COG6: variants seen among roughly 807,000 people sequenced by gnomAD.
COG6 encodes component of oligomeric golgi complex 6, also known as conserved oligomeric Golgi complex subunit 6.
Under a neutral mutation model 88.8 loss-of-function variants are expected in COG6, and 74 were observed. That is an observed-to-expected ratio of 0.83 (90% CI 0.69 to 1.01). The LOEUF is 1.01. Among genes scored for constraint, COG6 ranks in the 50% least tolerant of loss-of-function variants. The probability of loss-of-function intolerance (pLI) is 0.00; values close to 1 mark genes in which losing one functional copy is unlikely to be tolerated. For missense variants in COG6, 800 were observed against 797.9 expected (o/e 1.00, Z -0.03); for synonymous variants, 286 against 278.7 (o/e 1.03, Z -0.26).
chr13:39,691,135 C>T (rs1876956347), intron 11 of COG6, among the ~76,000 whole-genome samples: 1 of 151,520 alleles, frequency 6.6e-6, no homozygotes, highest in Non-Finnish European at 1.5e-5. Flanking sequence ...TAGGTGTATG[C>T]TTTTCCTTTT....
In COG6 at chr13:39,655,768, C is replaced by T. The variant is rs1238296230; in HGVS notation, c.42C>T (p.Thr14=). The T allele has an allele frequency of 9.4e-6, 15 of 1,593,306 alleles. No individual in the cohort carries two copies. Among genetic ancestry groups the T allele is most frequent in the Admixed American group, 1.7e-5 (1 of 58,148 alleles). ...GSGEVVAVSA[T]GAANGLNNGA... is the part of the protein sequence containing the mutation. The stretch of plus-strand genomic sequence containing the variant: ...GGGAAGTGGTCGCAGTGTCTGCGAC[C>T]GGGGCTGCCAACGGCCTCAACAATG... The change falls in exon 1 of 19, where the codon ACC becomes ACT. Residue 14 remains threonine (T), a synonymous_variant. Transcript: ENST00000455146.
chr13:39,708,161 C>T (rs1878043171), intron 13 of COG6, among the ~76,000 whole-genome samples: 1 of 152,104 alleles, frequency 6.6e-6, no homozygotes, highest in Non-Finnish European at 1.5e-5. Context: ...TGTTTATTGG[C>T]TGCTGGATGT....
chr13:39,715,221 T>A (rs1265880378), intron 13 of COG6, among the ~76,000 whole-genome samples: 1 of 151,706 alleles, frequency 6.6e-6, no homozygotes, highest in African/African-American at 2.4e-5. Flanking sequence ...AAAAAATTTT[T>A]AAAGATTTAT....
chr13:39,701,332 G>C (rs1449434578), intron 13 of COG6, among the ~76,000 whole-genome samples: 1 of 151,866 alleles, frequency 6.6e-6, no homozygotes, highest in Non-Finnish European at 1.5e-5. Context: ...GTGCCTATGA[G>C]AGATCCCTCT....
intron 18 of COG6, among the ~76,000 whole-genome samples, chr13:39,749,930 A>G (rs971302062): frequency 6.6e-6 from 1 of 152,158 alleles, no homozygotes; most frequent in Non-Finnish European, 1.5e-5. Context: ...TGATCTAACA[A>G]CAGTGCCTAG....
Position 39,764,505 on chromosome 13 carries a change from G to A in COG6, c.1827-23830G>A, listed in dbSNP as rs1028979921. ...ATGTATTCATTTAAATATATTTAAT[G>A]TGTTCATCTGTGTTTCCATCTAAGC... is the stretch of plus-strand genomic sequence containing the variant. On this transcript the variant is annotated intron_variant, in intron 18 of 18. Transcript: ENST00000416691. 4.6e-5 allele frequency among the ~76,000 whole-genome samples: 7 copies of A among 151,278 alleles called. No homozygotes were observed. The South Asian group carries it at 1.5e-3, about 31-fold the overall frequency.
intron 13 of COG6, among the ~76,000 whole-genome samples, chr13:39,704,745 A>G (rs537612873): frequency 5.9e-5 from 9 of 152,330 alleles, no homozygotes; most frequent in Non-Finnish European, 1.2e-4. Context: ...AAAGAAAGTA[A>G]TTGTAATCTG....
intron 5 of COG6, among the ~76,000 whole-genome samples, chr13:39,678,918 G>A (rs1048326030): frequency 5.1e-4 from 44 of 85,604 alleles, no homozygotes; most frequent in Non-Finnish European, 9.4e-4. Context: ...AGAAAATGAG[G>A]GTTATTATTA....
At chr13:39,734,965 A>G (rs780987161) in intron 18 of COG6, among the ~76,000 whole-genome samples, 2 of 150,888 alleles carry the variant, frequency 1.3e-5, no homozygotes, top group Admixed American at 6.6e-5. Flanking sequence ...ATCTTTTTCT[A>G]TCTCTCTTTT....
chr13:39,757,528 T>G (rs1463803992), downstream of COG6, among the ~76,000 whole-genome samples: 3 of 151,826 alleles, frequency 2.0e-5, no homozygotes, highest in African/African-American at 7.3e-5. Context: ...GTTAATTCTC[T>G]GAAAGGATAG....
At chr13:39,704,175 A>G (rs1324676679) in intron 13 of COG6, among the ~76,000 whole-genome samples, 1 of 152,132 alleles carries the variant, frequency 6.6e-6, no homozygotes, top group African/African-American at 2.4e-5. Context: ...GTTTCTATAT[A>G]TTTTATTAGT....
intron 4 of COG6, among the ~76,000 whole-genome samples, chr13:39,670,022 TTCTA>T (rs1875522921): frequency 6.6e-6 from 1 of 152,172 alleles, no homozygotes; most frequent in Admixed American, 6.5e-5. Flanking sequence ...AGAAATCTGT[TTCTA>T]TATGGGATTA....
chr13:39,750,221 A>G (rs540220381), intron 18 of COG6, among the ~76,000 whole-genome samples: 1 of 152,316 alleles, frequency 6.6e-6, no homozygotes, highest in South Asian at 2.1e-4. Flanking sequence ...CCATCTTCTC[A>G]TGGTGATACA....
At chr13:39,763,938 G>A (rs938452295) in intron 18 of COG6, among the ~76,000 whole-genome samples, 10 of 151,896 alleles carry the variant, frequency 6.6e-5, no homozygotes, top group Admixed American at 2.6e-4. Context: ...AAACAAATTG[G>A]TACATATTCT....
At chr13:39,782,113 GA>G (rs1405948534) in intron 18 of COG6, among the ~76,000 whole-genome samples, 1 of 152,142 alleles carries the variant, frequency 6.6e-6, no homozygotes, top group East Asian at 1.9e-4. Flanking sequence ...GGGTAAAGGG[GA>G]AAACATTACC....
intron 18 of COG6, among the ~76,000 whole-genome samples, chr13:39,764,349 GT>G: frequency 6.7e-6 from 1 of 148,942 alleles, no homozygotes; most frequent in East Asian, 2.0e-4. Flanking sequence ...TTGTATATTT[GT>G]TTTCTATTTC....
Position 39,752,399 on chromosome 13 carries a change from A to G in COG6, c.*1306A>G. 1 of 1,013,446 alleles carries G rather than the reference A, an allele frequency of 9.9e-7. No homozygotes were observed. Among genetic ancestry groups the G allele is most frequent in the Non-Finnish European group, 1.3e-6 (1 of 759,352 alleles). The allele number at this position is 1,013,446 out of a possible 1,614,324, so 62.8% of individuals were successfully genotyped here. A position where few individuals can be genotyped will look rare whatever the true frequency, so the allele number is the denominator to read the frequency against. ...CTTTTTGGAGTAAGAATGATTATAT[A>G]ATCGTTATCCATTTGGGTATAAATC... On this transcript the variant is annotated 3_prime_UTR_variant, in exon 19 of 19. Coordinates refer to ENST00000455146, the MANE Select transcript of COG6 (RefSeq NM_020751.3).
chr13:39,787,302 G>T (rs1881803676), intron 18 of COG6, among the ~76,000 whole-genome samples: 1 of 152,148 alleles, frequency 6.6e-6, no homozygotes, highest in African/African-American at 2.4e-5. Flanking sequence ...GAAAGTGTGG[G>T]AGGAAACTGA....
At chr13:39,688,911 G>A (rs1472813741) in intron 10 of COG6, among the ~76,000 whole-genome samples, 1 of 152,120 alleles carries the variant, frequency 6.6e-6, no homozygotes, top group Non-Finnish European at 1.5e-5. Flanking sequence ...ATTTTACATA[G>A]CTCAGCCACA....
Sources: gnomAD v4.1 joint callset for allele counts (sites outside exome capture counted in the v4.1 genomes callset) on GRCh38, gnomAD v4.1.1 for gene constraint, MANE v1.5 for transcripts, NCBI Gene and HGNC (gene_info 2026-07-23, HGNC 2026-07-21) for gene names.